ASIC2: variants seen among roughly 807,000 people sequenced by gnomAD.
ASIC2 encodes acid sensing ion channel subunit 2.
Under a neutral mutation model 57.3 loss-of-function variants are expected in ASIC2, and 25 were observed. The ratio of observed to expected loss-of-function variants is 0.44; its 90% CI spans 0.32 to 0.61. The LOEUF (loss-of-function observed/expected upper bound fraction) is 0.61. Ranked by LOEUF, ASIC2 falls within the 20% of genes least tolerant of loss-of-function variation. The pLI is 0.06. For missense variants in ASIC2, 641 were observed against 738.1 expected, an observed-to-expected ratio of 0.87 and a Z score of 1.52; for synonymous variants, 319 against 307.5, an observed-to-expected ratio of 1.04 and a Z score of -0.39.
intron 1 of ASIC2, among the ~76,000 whole-genome samples, chr17:33,379,059 G>A (rs1036023193): frequency 2.6e-5 from 4 of 152,216 alleles, no homozygotes; most frequent in Admixed American, 2.0e-4. Context: ...AGCATTTAAG[G>A]GTTATTGGAG....
intron 1 of ASIC2, among the ~76,000 whole-genome samples, chr17:33,258,223 A>T (rs1252954569): frequency 1.3e-5 from 2 of 152,208 alleles, no homozygotes; most frequent in East Asian, 3.9e-4. Flanking sequence ...CTTTAGGAGT[A>T]TCTAGTTACA....
intron 1 of ASIC2, among the ~76,000 whole-genome samples, chr17:33,198,346 T>C (rs1906721852): frequency 6.6e-6 from 1 of 152,226 alleles, no homozygotes; most frequent in African/African-American, 2.4e-5. Context: ...TGTGAGACCC[T>C]GTTTCAAAAC....
chr17:33,853,037 T>A (rs1913817578), intron 1 of ASIC2, among the ~76,000 whole-genome samples: 1 of 152,186 alleles, frequency 6.6e-6, no homozygotes, highest in South Asian at 2.1e-4. Flanking sequence ...CTCACAGTCA[T>A]GTACAGTCTC....
At chr17:33,701,706 T>C (rs1043165424) in intron 1 of ASIC2, among the ~76,000 whole-genome samples, 62 of 152,320 alleles carry the variant, frequency 4.1e-4, no homozygotes, top group African/African-American at 1.5e-3. Flanking sequence ...CTTGGATAAT[T>C]CATTCTTACC....
At chr17:33,107,097 A>C (rs1009335235) in intron 2 of ASIC2, among the ~76,000 whole-genome samples, 1 of 152,166 alleles carries the variant, frequency 6.6e-6, no homozygotes, top group Non-Finnish European at 1.5e-5. Flanking sequence ...AACCTAGATA[A>C]CCCACCGCCT....
intron 1 of ASIC2, among the ~76,000 whole-genome samples, chr17:33,270,716 G>C (rs981943965): frequency 2.0e-5 from 3 of 152,144 alleles, no homozygotes; most frequent in Non-Finnish European, 4.4e-5. Flanking sequence ...TTCTAACCCT[G>C]ACAAAGGCTG....
chr17:34,142,289 GA>G (rs1270569106), intron 1 of ASIC2, among the ~76,000 whole-genome samples: 2 of 152,116 alleles, frequency 1.3e-5, no homozygotes, highest in African/African-American at 2.4e-5. Flanking sequence ...ATCCCGTGAG[GA>G]AGGGGAAATA....
At chr17:33,610,168 G>C (rs1567668448) in intron 1 of ASIC2, among the ~76,000 whole-genome samples, 3 of 152,052 alleles carry the variant, frequency 2.0e-5, no homozygotes, top group African/African-American at 4.8e-5. Context: ...TTTTGCCTCT[G>C]TTTTTTTGAG....
intron 3 of ASIC2, among the ~76,000 whole-genome samples, chr17:33,064,890 A>G (rs571088343): frequency 1.3e-5 from 2 of 152,194 alleles, no homozygotes; most frequent in African/African-American, 4.8e-5. Context: ...GTTTACAGTC[A>G]TGCACATGCA....
intron 1 of ASIC2, among the ~76,000 whole-genome samples, chr17:33,552,083 G>A (rs778596658): frequency 4.0e-4 from 61 of 152,204 alleles, no homozygotes; most frequent in Non-Finnish European, 6.2e-4. Context: ...ACCGCTTCCC[G>A]GTAGCCTCTG....
chr17:33,707,180 A>T (rs1908888961), intron 1 of ASIC2, among the ~76,000 whole-genome samples: 1 of 151,976 alleles, frequency 6.6e-6, no homozygotes, highest in Non-Finnish European at 1.5e-5. Flanking sequence ...AGTTTTTGGG[A>T]TTTTAATTTT....
intron 1 of ASIC2, among the ~76,000 whole-genome samples, chr17:33,200,481 A>G (rs1198701823): frequency 6.6e-6 from 1 of 152,164 alleles, no homozygotes; most frequent in Non-Finnish European, 1.5e-5. Context: ...GATCCTGATG[A>G]TCCTTCCCAA....
chr17:33,736,971 C>A (rs1909933251), intron 1 of ASIC2, among the ~76,000 whole-genome samples: 1 of 152,234 alleles, frequency 6.6e-6, no homozygotes, highest in Admixed American at 6.5e-5. Context: ...GTAAGCTGCA[C>A]ATATTTAAAG....
At chr17:33,453,753 A>G (rs2141991711) in intron 1 of ASIC2, among the ~76,000 whole-genome samples, 2 of 152,166 alleles carry the variant, frequency 1.3e-5, no homozygotes, top group Middle Eastern at 3.4e-3. Flanking sequence ...CCCCAAATTT[A>G]CTTTGTTTCT....
At chr17:33,926,797 C>A (rs1201403233) in intron 1 of ASIC2, among the ~76,000 whole-genome samples, 3 of 152,236 alleles carry the variant, frequency 2.0e-5, no homozygotes, top group African/African-American at 4.8e-5. Context: ...CAATAGCAAA[C>A]AATGGCAGGC....
At chr17:33,089,113 A>G in intron 2 of ASIC2, 123 bp from the exon 3 acceptor site, 1 of 1,327,936 alleles carries the variant, frequency 7.5e-7, no homozygotes, top group Non-Finnish European at 1.0e-6. Context: ...ATGGCCCCCA[A>G]AGGTGTCCAC....
chr17:33,461,953 T>C (rs1187330555), intron 1 of ASIC2, among the ~76,000 whole-genome samples: 1 of 152,218 alleles, frequency 6.6e-6, no homozygotes, highest in Non-Finnish European at 1.5e-5. Context: ...ATTGAGTACC[T>C]ACATGTGCCA....
chr17:33,588,762 A>G (rs898481322), intron 1 of ASIC2, among the ~76,000 whole-genome samples: 5 of 152,182 alleles, frequency 3.3e-5, no homozygotes, highest in Admixed American at 6.5e-5. Context: ...AGATATGGAG[A>G]TGTTTGAGCC....
At position 33,564,366 on chromosome 17, in the gene ASIC2, G is replaced by A. The variant is rs574842421; in HGVS notation, c.556-452299C>T. 1.6e-3 allele frequency among the ~76,000 whole-genome samples: 248 copies of A among 152,336 alleles called. 1 individual carries two copies. Among genetic ancestry groups the A allele is most frequent in the South Asian group, 3.7e-3 (18 of 4,828 alleles). On this transcript the variant is annotated intron_variant, in intron 1 of 9. Coordinates refer to the ASIC2 transcript ENST00000359872. ...GTTTGCAATGGATCAGGTTGAAGTT[G>A]GCTTTCCCCACCACCTCCAGGAGTG...
Sources: allele counts gnomAD v4.1 joint callset (sites outside exome capture counted in the v4.1 genomes callset), GRCh38; gene constraint gnomAD v4.1.1; transcripts MANE v1.5; gene names NCBI Gene and HGNC (gene_info 2026-07-23, HGNC 2026-07-21).